Variants in WDR41 observed in about 807,000 individuals in gnomAD.
The protein encoded by WDR41 is WD repeat-containing protein 41.
Under a neutral mutation model 69.3 loss-of-function variants are expected in WDR41, and 63 were observed. The observed-to-expected ratio is 0.91, with a 90% CI of 0.74 to 1.12. WDR41 has a LOEUF of 1.12. WDR41 is among the 50% of genes most tolerant of loss of function. The probability of loss-of-function intolerance (pLI) is 0.00; values close to 1 mark genes in which losing one functional copy is unlikely to be tolerated. For synonymous variants in WDR41, 185 were observed against 192.1 expected, an observed-to-expected ratio of 0.96 and a Z score of 0.31; for missense variants, 543 against 534.5, an observed-to-expected ratio of 1.02 and a Z score of -0.16.
chr5:77,481,031 T>G (rs1302200151), intron 2 of WDR41, among the ~76,000 whole-genome samples: 2 of 151,100 alleles, frequency 1.3e-5, no homozygotes, highest in Admixed American at 1.3e-4. Flanking sequence ...CTGGGTTGTT[T>G]TTTTTTTTGA....
At chr5:77,448,741 G>A (rs1399028370) in intron 8 of WDR41, among the ~76,000 whole-genome samples, 5 of 151,888 alleles carry the variant, frequency 3.3e-5, no homozygotes, top group East Asian at 1.9e-4. Context: ...GGTGATATGC[G>A]CCTGTAGTTC....
intron 1 of WDR41, chr5:77,583,251 G>A (rs1023313766): frequency 1.3e-4 from 81 of 626,522 alleles, no homozygotes; most frequent in East Asian, 6.1e-4. Context: ...GCCAGGCGCC[G>A]TCCCTGTTAT....
chr5:77,489,621 G>C, intron 1 of WDR41, 49 bp from the exon 2 acceptor site: 1 of 1,190,612 alleles, frequency 8.4e-7, no homozygotes, highest in Non-Finnish European at 1.2e-6. Flanking sequence ...CAAAAAAAGA[G>C]ATAAAATGAT....
intron 1 of WDR41, among the ~76,000 whole-genome samples, chr5:77,513,250 G>C (rs1236882692): frequency 6.6e-6 from 1 of 152,058 alleles, no homozygotes; most frequent in Non-Finnish European, 1.5e-5. Context: ...AGATTTTAGA[G>C]TCTTATTACT....
chr5:77,449,978 T>C (rs1799560532), intron 7 of WDR41, 108 bp from the exon 8 acceptor site: 4 of 720,710 alleles, frequency 5.6e-6, no homozygotes, highest in Non-Finnish European at 4.6e-6. Context: ...CCTACCATAC[T>C]GAAAAACCCA....
chr5:77,520,816 T>A (rs1207362660), intron 1 of WDR41, among the ~76,000 whole-genome samples: 2 of 152,184 alleles, frequency 1.3e-5, no homozygotes, highest in Admixed American at 1.3e-4. Context: ...ATTTAACCTA[T>A]CAAGACCTAG....
chr5:77,472,709 AC>A (rs1800684808), intron 2 of WDR41, among the ~76,000 whole-genome samples: 1 of 152,094 alleles, frequency 6.6e-6, no homozygotes, highest in South Asian at 2.1e-4. Context: ...AATCCAACTT[AC>A]AAGGGATGGG....
intron 1 of WDR41, among the ~76,000 whole-genome samples, chr5:77,511,399 C>T (rs1209734921): frequency 6.6e-6 from 1 of 152,176 alleles, no homozygotes; most frequent in African/African-American, 2.4e-5. Flanking sequence ...AATTATCTGT[C>T]TTTATCTCTA....
At chr5:77,442,733 A>G (rs1799212663) in intron 8 of WDR41, among the ~76,000 whole-genome samples, 1 of 151,810 alleles carries the variant, frequency 6.6e-6, no homozygotes, top group Middle Eastern at 3.4e-3. Context: ...TCCACTAAAA[A>G]TACAAAAAAT....
At chr5:77,435,499 G>C (rs1351733840) in intron 12 of WDR41, among the ~76,000 whole-genome samples, 1 of 152,168 alleles carries the variant, frequency 6.6e-6, no homozygotes, top group African/African-American at 2.4e-5. Context: ...CTGAAATACA[G>C]GAAATGCTCA....
At chr5:77,549,975 A>G (rs528322213) in intron 1 of WDR41, among the ~76,000 whole-genome samples, 5 of 152,196 alleles carry the variant, frequency 3.3e-5, no homozygotes, top group Non-Finnish European at 7.4e-5. Context: ...AAAAAAGTTG[A>G]CAAAAATAAA....
chr5:77,441,643 C>A (rs139597575), intron 8 of WDR41, among the ~76,000 whole-genome samples: 188 of 152,124 alleles, frequency 1.2e-3, no homozygotes, highest in African/African-American at 4.4e-3. Flanking sequence ...GAGGTTGAGA[C>A]AGGAGAACTG....
At chr5:77,523,014 A>G (rs183812413) in intron 1 of WDR41, among the ~76,000 whole-genome samples, 137 of 152,304 alleles carry the variant, frequency 9.0e-4, no homozygotes, top group African/African-American at 3.0e-3. Context: ...GGAAAACACC[A>G]CATGGATTTC....
upstream of WDR41, among the ~76,000 whole-genome samples, chr5:77,494,824 C>T (rs899438788): frequency 1.3e-5 from 2 of 152,084 alleles, no homozygotes; most frequent in Non-Finnish European, 2.9e-5. Flanking sequence ...ATAAAGAACA[C>T]ACTACCCAAC....
At chr5:77,611,084 T>C (rs1309795523) in intron 1 of WDR41, among the ~76,000 whole-genome samples, 1 of 152,092 alleles carries the variant, frequency 6.6e-6, no homozygotes, top group Non-Finnish European at 1.5e-5. Context: ...GGTAAAGAGA[T>C]CAATTCAACA....
intron 2 of WDR41, among the ~76,000 whole-genome samples, chr5:77,474,734 A>G (rs576571356): frequency 1.3e-5 from 2 of 152,220 alleles, no homozygotes; most frequent in African/African-American, 4.8e-5. Context: ...GCAAAGGTAA[A>G]ACATTTGGTA....
Position 77,432,981 on chromosome 5 carries a change from G to A in WDR41, c.*154C>T, listed in dbSNP as rs376804855. The A allele has an allele frequency of 8.2e-4, 598 of 729,154 alleles. No homozygotes were observed. The African/African-American group carries it at 9.5e-3, about 12-fold the overall frequency. The allele number at this position is 729,154 out of a possible 1,614,324, so 45.2% of individuals were successfully genotyped here. ...AGGACCTGAGAAGCAACATGTTCCT[G>A]GTTGGTAGGTCCACAAAAAATTTAA... On this transcript the variant is annotated 3_prime_UTR_variant, in exon 13 of 13. Transcript: ENST00000296679.
At chr5:77,557,077 A>G (rs901129299) in intron 1 of WDR41, among the ~76,000 whole-genome samples, 2 of 152,196 alleles carry the variant, frequency 1.3e-5, no homozygotes, top group African/African-American at 4.8e-5. Flanking sequence ...TAAACAAAAA[A>G]TTCCTTGTGG....
chr5:77,580,645 G>GA (rs199672917), intron 1 of WDR41, among the ~76,000 whole-genome samples: 6 of 151,618 alleles, frequency 4.0e-5, no homozygotes, highest in Admixed American at 6.6e-5. Flanking sequence ...AAAAGAAATG[G>GA]AAAAAAAATA....
Sources: allele counts gnomAD v4.1 joint callset (sites outside exome capture counted in the v4.1 genomes callset), GRCh38; gene constraint gnomAD v4.1.1; transcripts MANE v1.5; gene names NCBI Gene and HGNC (gene_info 2026-07-23, HGNC 2026-07-21).